ZMIZ1: variants seen among roughly 807,000 people sequenced by gnomAD.
ZMIZ1 encodes zinc finger MIZ-type containing 1.
Under a neutral mutation model 113.9 loss-of-function variants are expected in ZMIZ1, and 17 were observed. The observed-to-expected ratio is 0.15, with a 90% CI of 0.10 to 0.22. ZMIZ1 has a LOEUF of 0.22. Ranked by LOEUF, ZMIZ1 falls within the 10% of genes least tolerant of loss-of-function variation. The probability of loss-of-function intolerance (pLI) is 1.00; values close to 1 mark genes in which losing one functional copy is unlikely to be tolerated. For synonymous variants in ZMIZ1, 607 were observed against 603.1 expected (o/e 1.01, Z -0.09); for missense variants, 1,059 against 1,477.8 (o/e 0.72, Z 4.65).
At chr10:79,280,765 T>G (rs945433798) in intron 8 of ZMIZ1, among the ~76,000 whole-genome samples, 3 of 148,610 alleles carry the variant, frequency 2.0e-5, no homozygotes, top group Non-Finnish European at 4.5e-5. Context: ...AGTCTCACCT[T>G]TGGTTAAGGA....
intron 5 of ZMIZ1, among the ~76,000 whole-genome samples, chr10:79,201,901 C>T (rs1053840741): frequency 6.6e-6 from 1 of 151,906 alleles, no homozygotes; most frequent in Non-Finnish European, 1.5e-5. Context: ...TCCCTTTCCA[C>T]ACCCTTCCCA....
chr10:79,257,051 C>T (rs1850955857), intron 7 of ZMIZ1, among the ~76,000 whole-genome samples: 1 of 152,230 alleles, frequency 6.6e-6, no homozygotes, highest in African/African-American at 2.4e-5. Flanking sequence ...ACTGGGGTCT[C>T]ACCTTGTCGC....
Position 79,293,744 on chromosome 10 carries a change from G to T in ZMIZ1, c.1230+91G>T, listed in dbSNP as rs186759046. 4.4e-4 allele frequency: 695 copies of T among 1,587,366 alleles called. 1 individual carries two copies. The African/African-American group carries it at 8.1e-3, about 19-fold the overall frequency. On this transcript the variant is annotated intron_variant, in intron 12 of 24. Transcript: ENST00000334512. ...TGGGTACGGCTTTGGAAGGGGTGTG[G>T]CTTGGACTCCAGCACACTTGGACAA...
intron 7 of ZMIZ1, among the ~76,000 whole-genome samples, chr10:79,255,563 C>T (rs1347401973): frequency 6.6e-6 from 1 of 152,106 alleles, no homozygotes; most frequent in Non-Finnish European, 1.5e-5. Context: ...TCCCTGCCCG[C>T]TCCCCTCTTA....
At chr10:79,150,628 G>A (rs771386654) in intron 3 of ZMIZ1, among the ~76,000 whole-genome samples, 5 of 152,216 alleles carry the variant, frequency 3.3e-5, no homozygotes, top group Non-Finnish European at 7.3e-5. Flanking sequence ...GAAAAACAGG[G>A]AGAGGCAGAC....
intron 4 of ZMIZ1, 24 bp from the exon 5 acceptor site, chr10:79,201,560 A>C (rs1848080877): frequency 1.3e-6 from 2 of 1,570,642 alleles, no homozygotes; most frequent in South Asian, 1.1e-5. Context: ...TGATCCAGTG[A>C]CAACCTCTCC....
intron 7 of ZMIZ1, among the ~76,000 whole-genome samples, chr10:79,236,211 C>T (rs1357093185): frequency 3.9e-5 from 6 of 152,146 alleles, no homozygotes; most frequent in Admixed American, 3.3e-4. Context: ...AAATCTTTTC[C>T]CAAAGTGAGC....
At chr10:79,264,143 C>G (rs1398195893) in intron 7 of ZMIZ1, among the ~76,000 whole-genome samples, 1 of 152,166 alleles carries the variant, frequency 6.6e-6, no homozygotes, top group Non-Finnish European at 1.5e-5. Flanking sequence ...CCTGGGCATG[C>G]GGGTGTGGCT....
chr10:79,256,973 T>C (rs769390296), intron 7 of ZMIZ1, among the ~76,000 whole-genome samples: 2 of 152,220 alleles, frequency 1.3e-5, no homozygotes, highest in Admixed American at 6.5e-5. Flanking sequence ...AAGTGACGTC[T>C]TCAGGCTTCT....
intron 7 of ZMIZ1, among the ~76,000 whole-genome samples, chr10:79,269,456 AACACACACACACACACACAC>A (rs55634343): frequency 7.2e-6 from 1 of 138,472 alleles, no homozygotes; most frequent in Non-Finnish European, 1.6e-5. Context: ...ACCTCCCCCC[AACACACACACACACACACAC>A]ACACACACAC....
intron 2 of ZMIZ1, among the ~76,000 whole-genome samples, chr10:79,132,994 G>C (rs543595221): frequency 6.6e-6 from 1 of 152,180 alleles, no homozygotes; most frequent in African/African-American, 2.4e-5. Context: ...GCTCTGGGGT[G>C]GGGGAGGGGA....
At chr10:79,122,250 CT>C (rs1844323388) in intron 2 of ZMIZ1, among the ~76,000 whole-genome samples, 1 of 152,148 alleles carries the variant, frequency 6.6e-6, no homozygotes, top group Non-Finnish European at 1.5e-5. Context: ...ACCCTCCTGC[CT>C]GCAGAGGAGG....
At chr10:79,251,014 G>T (rs939249796) in intron 7 of ZMIZ1, among the ~76,000 whole-genome samples, 1 of 152,174 alleles carries the variant, frequency 6.6e-6, no homozygotes, top group Admixed American at 6.5e-5. Flanking sequence ...GAAGCTGGGG[G>T]GCCAAAAGGG....
chr10:79,205,624 G>A (rs774796427), intron 5 of ZMIZ1, among the ~76,000 whole-genome samples: 3 of 152,172 alleles, frequency 2.0e-5, no homozygotes, highest in East Asian at 1.9e-4. Context: ...TCACTACCCC[G>A]TTTCACAGAT....
chr10:79,258,879 A>T (rs1408220504), intron 7 of ZMIZ1, among the ~76,000 whole-genome samples: 1 of 152,090 alleles, frequency 6.6e-6, no homozygotes, highest in Non-Finnish European at 1.5e-5. Context: ...GTCTGCTGAA[A>T]CTTTGGGGCG....
chr10:79,164,206 C>T (rs1468675289), intron 4 of ZMIZ1, among the ~76,000 whole-genome samples: 1 of 152,232 alleles, frequency 6.6e-6, no homozygotes, highest in Non-Finnish European at 1.5e-5. Flanking sequence ...CCAACAGCGG[C>T]AGCGTGGGGC....
chr10:79,266,108 A>G (rs1280358609), intron 7 of ZMIZ1, among the ~76,000 whole-genome samples: 1 of 152,250 alleles, frequency 6.6e-6, no homozygotes, highest in African/African-American at 2.4e-5. Context: ...TCAGGGGGCC[A>G]CAGACTTCAG....
rs1373469154 is a variant in ZMIZ1, at chr10:79,312,861, G to T, written c.*112G>T. Reference sequence around the variant, plus strand: ...CAGACCGCCCCGCACCAGAGCCACGGGCTGTGGGGCGGGGAGCCCTCCCCC... The same window carrying T: ...CAGACCGCCCCGCACCAGAGCCACGTGCTGTGGGGCGGGGAGCCCTCCCCC... On this transcript the variant is annotated 3_prime_UTR_variant, in exon 25 of 25. Transcript: ENST00000334512. 2 of 1,000,460 alleles carry T rather than the reference G, an allele frequency of 2.0e-6. No individual in the cohort carries two copies. Among genetic ancestry groups the T allele is most frequent in the African/African-American group, 3.3e-5 (2 of 61,372 alleles). 62.0% of individuals were successfully genotyped at this position (1,000,460 alleles called of 1,614,324 possible).
At chr10:79,117,523 T>C (rs1844097054) in intron 1 of ZMIZ1, among the ~76,000 whole-genome samples, 2 of 152,364 alleles carry the variant, frequency 1.3e-5, no homozygotes, top group South Asian at 4.1e-4. Context: ...GTTGACCCAT[T>C]CTATGGTTGG....
Sources: gnomAD v4.1 joint callset for allele counts (sites outside exome capture counted in the v4.1 genomes callset) on GRCh38, gnomAD v4.1.1 for gene constraint, MANE v1.5 for transcripts, NCBI Gene and HGNC (gene_info 2026-07-23, HGNC 2026-07-21) for gene names.